The following FBXO16 variants were observed in gnomAD, a reference collection of about 807,000 sequenced individuals.
FBXO16 encodes the protein F-box protein 16, also known as F-box only protein 16.
Under a neutral mutation model 41.0 loss-of-function variants are expected in FBXO16, and 31 were observed. That is an observed-to-expected ratio of 0.76 (90% confidence interval 0.57 to 1.02). The LOEUF is 1.02. FBXO16 is among the 50% of genes least tolerant of loss of function. FBXO16 has a pLI of 0.00. For missense variants in FBXO16, 361 were observed against 346.2 expected (o/e 1.04, Z -0.34); for synonymous variants, 133 against 117.8 (o/e 1.13, Z -0.84).
intron 7 of FBXO16, among the ~76,000 whole-genome samples, chr8:28,443,365 G>A (rs573189027): frequency 2.0e-5 from 3 of 152,012 alleles, no homozygotes; most frequent in African/African-American, 7.2e-5. Context: ...CTCTCTTCCT[G>A]CCCTCTCCAT....
chr8:28,472,355 C>T (rs550768159), intron 3 of FBXO16, among the ~76,000 whole-genome samples: 1 of 152,312 alleles, frequency 6.6e-6, no homozygotes, highest in East Asian at 1.9e-4. Flanking sequence ...CCTCCCTCAG[C>T]CTCCCAAAGT....
intron 4 of FBXO16, among the ~76,000 whole-genome samples, chr8:28,457,531 C>T (rs559413410): frequency 8.3e-4 from 127 of 152,202 alleles, no homozygotes; most frequent in Non-Finnish European, 1.4e-3. Flanking sequence ...TACATGGTGG[C>T]AGGCAAGAGA....
intron 6 of FBXO16, among the ~76,000 whole-genome samples, chr8:28,451,294 T>A (rs892926650): frequency 2.0e-5 from 3 of 152,176 alleles, no homozygotes; most frequent in African/African-American, 7.2e-5. Flanking sequence ...TGAAAGATAC[T>A]CATGAAGAGA....
intron 4 of FBXO16, among the ~76,000 whole-genome samples, chr8:28,461,438 G>A (rs763010294): frequency 2.6e-5 from 4 of 152,112 alleles, no homozygotes; most frequent in African/African-American, 7.2e-5. Context: ...TCTGAGTCAA[G>A]AAAGATGGCA....
intron 7 of FBXO16, among the ~76,000 whole-genome samples, chr8:28,441,856 G>GTA (rs1802782234): frequency 6.8e-6 from 1 of 147,024 alleles, no homozygotes; most frequent in African/African-American, 2.6e-5. Flanking sequence ...TATAATGTGT[G>GTA]TATATATATG....
At chr8:28,463,853 T>A in intron 3 of FBXO16, 35 bp from the exon 4 acceptor site, 1 of 1,600,858 alleles carries the variant, frequency 6.2e-7, no homozygotes, top group Non-Finnish European at 8.5e-7. Context: ...TGTAAAAAGC[T>A]CCAGGTTTAG....
At chr8:28,436,116 G>T (rs1026216085) in intron 7 of FBXO16, among the ~76,000 whole-genome samples, 1 of 152,068 alleles carries the variant, frequency 6.6e-6, no homozygotes, top group African/African-American at 2.4e-5. Context: ...GTCCTCCCTC[G>T]GGGGCCTTCT....
chr8:28,452,301 T>G lies in FBXO16; in HGVS notation c.683A>C (p.Asp228Ala), dbSNP rs1357932799. 6.2e-7 allele frequency: 1 copy of G among 1,614,046 alleles called. No individual in the cohort carries two copies. Among genetic ancestry groups the G allele is most frequent in the Non-Finnish European group, 8.5e-7 (1 of 1,180,032 alleles). Residue 228 changes from aspartate (D) to alanine (A), a missense_variant, in exon 6 of 9, where the codon GAT becomes GCT. By Grantham distance (126) the Asp-to-Ala change is moderately radical (BLOSUM62 -2). Transcript: ENST00000380254. ...GTCTAGGTAATTAAAACGAATGATA[T>G]CTGTTGGGTGCTTATCAGAAGATCG... is the stretch of plus-strand genomic sequence containing the variant. ...PWRSSDKHPTDIIRFNYLDNR... is the reference protein window; with the variant it reads ...PWRSSDKHPTAIIRFNYLDNR...
At chr8:28,460,482 G>T (rs1803116794) in intron 4 of FBXO16, among the ~76,000 whole-genome samples, 1 of 135,688 alleles carries the variant, frequency 7.4e-6, no homozygotes, top group South Asian at 2.4e-4. Flanking sequence ...GGCTAGCAGT[G>T]GCATGATCTC....
chr8:28,478,821 C>CAAAAAAAAAA (rs35959759), intron 2 of FBXO16, among the ~76,000 whole-genome samples: 8 of 117,800 alleles, frequency 6.8e-5, no homozygotes, highest in African/African-American at 2.6e-4. Flanking sequence ...ATTCTGTCTC[C>CAAAAAAAAAA]AAAAAAAAAA....
intron 3 of FBXO16, 117 bp downstream of exon 3, chr8:28,473,655 G>A (rs1348782351): frequency 4.5e-6 from 4 of 879,632 alleles, no homozygotes; most frequent in African/African-American, 1.7e-5. Flanking sequence ...TTCTATCCAA[G>A]TTGAGTAAAA....
intron 5 of FBXO16, among the ~76,000 whole-genome samples, chr8:28,454,361 A>C (rs1803002859): frequency 6.6e-6 from 1 of 151,822 alleles, no homozygotes; most frequent in Non-Finnish European, 1.5e-5. Flanking sequence ...TGCTGGGAAT[A>C]AATAACATAT....
chr8:28,469,961 T>C (rs1324807333), intron 3 of FBXO16, among the ~76,000 whole-genome samples: 2 of 148,324 alleles, frequency 1.3e-5, no homozygotes, highest in Non-Finnish European at 3.0e-5. Context: ...ACCCAGCACT[T>C]TGGGAGGCCG....
At chr8:28,429,246 G>C in intron 8 of FBXO16, 132 bp downstream of exon 8, 1 of 980,356 alleles carries the variant, frequency 1.0e-6, no homozygotes, top group Non-Finnish European at 1.6e-6. Flanking sequence ...GCCTCCCAAA[G>C]TGCTGAGATT....
At chr8:28,462,847 CA>C (rs1206377877) in intron 4 of FBXO16, among the ~76,000 whole-genome samples, 153 of 152,316 alleles carry the variant, frequency 1.0e-3, no homozygotes, top group African/African-American at 3.6e-3. Flanking sequence ...CTCTTTTGTA[CA>C]TATCTCATTA....
intron 5 of FBXO16, 98 bp downstream of exon 5, chr8:28,456,668 C>T: frequency 1.5e-6 from 2 of 1,364,282 alleles, no homozygotes; most frequent in South Asian, 1.4e-5. Context: ...TTTGAACTAC[C>T]TCCCTTCCCC....
intron 3 of FBXO16, among the ~76,000 whole-genome samples, chr8:28,470,360 C>G (rs1057510621): frequency 3.9e-5 from 6 of 152,154 alleles, no homozygotes; most frequent in Non-Finnish European, 5.9e-5. Context: ...ACCATTACTA[C>G]TGATACCTTT....
intron 2 of FBXO16, among the ~76,000 whole-genome samples, chr8:28,475,834 C>G (rs1484974047): frequency 6.6e-6 from 1 of 152,174 alleles, no homozygotes; most frequent in Non-Finnish European, 1.5e-5. Context: ...CTTCAGAAGT[C>G]ATAGAATTTT....
rs955285072 is a variant in FBXO16, at chr8:28,428,589, T to G, written c.*138A>C. On this transcript the variant is annotated 3_prime_UTR_variant, in exon 9 of 9. Coordinates refer to ENST00000380254, the MANE Select transcript of FBXO16 (RefSeq NM_172366.4). Reference sequence around the variant, plus strand: ...GTCCACTTTGGCTCTGGAACCTGGATGAGTCATGCTTGGGGCCCAGGGTGC... The same window carrying G: ...GTCCACTTTGGCTCTGGAACCTGGAGGAGTCATGCTTGGGGCCCAGGGTGC... 2.6e-5 allele frequency: 40 copies of G among 1,551,008 alleles called. No homozygotes were observed. The highest frequency in any genetic ancestry group is 3.3e-5 in the Non-Finnish European group (38 of 1,146,966).
Sources: allele counts gnomAD v4.1 joint callset (sites outside exome capture counted in the v4.1 genomes callset), GRCh38; gene constraint gnomAD v4.1.1; transcripts MANE v1.5; gene names NCBI Gene and HGNC (gene_info 2026-07-23, HGNC 2026-07-21).